CD6: variants seen among roughly 807,000 people sequenced by gnomAD.
CD6 encodes the protein T-cell differentiation antigen CD6.
In CD6, 53 loss-of-function variants were observed where a neutral mutation model predicts 75.3. That is an observed-to-expected ratio of 0.70 (90% CI 0.56 to 0.88). CD6 has a LOEUF of 0.88. Among genes scored for constraint, CD6 ranks in the 40% least tolerant of loss-of-function variants. The probability of loss-of-function intolerance (pLI) is 0.00; values close to 1 mark genes in which losing one functional copy is unlikely to be tolerated. For synonymous variants in CD6, 359 were observed against 381.5 expected (o/e 0.94, Z 0.69); for missense variants, 770 against 897.1 (o/e 0.86, Z 1.81).
chr11:60,992,262 C>A (rs908914822), intron 1 of CD6, among the ~76,000 whole-genome samples: 1 of 151,546 alleles, frequency 6.6e-6, no homozygotes, highest in African/African-American at 2.4e-5. Flanking sequence ...TGGCCTCAAG[C>A]AATCCTCCTG....
chr11:61,013,892 G>T, intron 7 of CD6, 27 bp from the exon 8 acceptor site: 1 of 1,535,394 alleles, frequency 6.5e-7, no homozygotes, highest in Non-Finnish European at 8.9e-7. Flanking sequence ...AAAATGACTT[G>T]TAGAATTTCT....
chr11:60,998,846 G>A (rs1387479962), intron 1 of CD6, among the ~76,000 whole-genome samples: 20 of 83,200 alleles, frequency 2.4e-4, no homozygotes, highest in African/African-American at 8.3e-4. Context: ...ACAACACAAG[G>A]CAGAAAAAAA....
intron 1 of CD6, among the ~76,000 whole-genome samples, chr11:60,985,579 T>C (rs559290851): frequency 1.3e-5 from 2 of 151,638 alleles, no homozygotes; most frequent in African/African-American, 4.8e-5. Flanking sequence ...ATAGAATATA[T>C]ATATATAAAC....
At chr11:61,009,309 T>C (rs2074227) in intron 4 of CD6, among the ~76,000 whole-genome samples, 58,294 of 151,922 alleles carry the variant, frequency 0.38, 12,240 homozygotes, top group African/African-American at 0.56. Flanking sequence ...ATTCAGTAGG[T>C]CTGAGGCAGA....
At chr11:61,005,624 T>C (rs1049396549) in intron 1 of CD6, among the ~76,000 whole-genome samples, 19 of 152,302 alleles carry the variant, frequency 1.2e-4, no homozygotes, top group Admixed American at 9.2e-4. Context: ...ACCTGCCTCA[T>C]TGCATTGTTG....
chr11:61,008,893 T>C (rs771674687), intron 4 of CD6, 48 bp downstream of exon 4: 2 of 1,445,536 alleles, frequency 1.4e-6, no homozygotes, highest in South Asian at 1.5e-5. Flanking sequence ...ACACTCACCA[T>C]AGGCCTACTG....
At chr11:60,985,803 A>T (rs928555047) in intron 1 of CD6, among the ~76,000 whole-genome samples, 1 of 152,210 alleles carries the variant, frequency 6.6e-6, no homozygotes, top group African/African-American at 2.4e-5. Context: ...GCAAAAATAA[A>T]ATTTAACAAA....
At position 61,017,817 on chromosome 11, in the gene CD6, A is replaced by G. The variant is rs146943483; in HGVS notation, c.1641A>G (p.Thr547=). Residue 547 remains threonine (T), a synonymous_variant, in exon 11 of 13, where the codon ACA becomes ACG. Transcript: ENST00000313421. ...CTGCCAACCCTGGACACTGCATTAC[A>G]GACCCGCCATCCCTGGGCCCTCAGT... is the stretch of plus-strand genomic sequence containing the variant. ...IPTANPGHCI[T]DPPSLGPQYH... 1.4e-5 allele frequency: 23 copies of G among 1,614,000 alleles called. No homozygotes were observed. The highest frequency in any genetic ancestry group is 3.4e-6 in the Non-Finnish European group (4 of 1,180,028).
chr11:60,993,174 A>C (rs750216234), intron 1 of CD6, among the ~76,000 whole-genome samples: 23 of 152,176 alleles, frequency 1.5e-4, no homozygotes, highest in Admixed American at 9.2e-4. Flanking sequence ...TACCACAGCA[A>C]CTACAGCCCA....
chr11:60,988,747 ATCACCCCTTGGAGCGGGGAGGATTT>A (rs1047272768), intron 1 of CD6, among the ~76,000 whole-genome samples: 3 of 152,170 alleles, frequency 2.0e-5, no homozygotes, highest in Non-Finnish European at 4.4e-5. Flanking sequence ...AGGTCTCAGC[ATCACCCCTTGGAGCGGGGAGGATTT>A]TCACCCCTTG....
Position 60,985,420 on chromosome 11 carries a change from G to A in CD6, c.49+13506G>A, listed in dbSNP as rs923661935. On this transcript the variant is annotated intron_variant, in intron 1 of 12. Coordinates refer to ENST00000313421, the MANE Select transcript of CD6 (RefSeq NM_006725.5). ...GGCTGGTCTCAAACTCCTGGCCTCA[G>A]GTGATCTGCCCGTCTCAGCCTCCCA... is the stretch of plus-strand genomic sequence containing the variant. Among the ~76,000 whole-genome samples, 6 of 151,876 alleles carry A rather than the reference G, an allele frequency of 4.0e-5. No homozygotes were observed. In the East Asian group the frequency reaches 1.2e-3, roughly 29 times the overall value.
rs1434446382 is a variant in CD6 at position 61,018,370 on chromosome 11, C to T, written c.1919C>T (p.Ser640Leu). Reference sequence around the variant, plus strand: ...TTCCAGCCACCACCCCAGCCCCCTTCGGAGGAGCAGTTTGGCTGTCCAGGT... The same window carrying T: ...TTCCAGCCACCACCCCAGCCCCCTTTGGAGGAGCAGTTTGGCTGTCCAGGT... ...QNFQPPPQPPSEEQFGCPGSP... is the reference protein window; with the variant it reads ...QNFQPPPQPPLEEQFGCPGSP... The change falls in exon 12 of 13, where the codon TCG becomes TTG. Residue 640 changes from serine to leucine, a missense_variant. Ser to Leu is a moderately radical substitution (Grantham distance 145, BLOSUM62 -2). Transcript: ENST00000313421. 1.9e-6 allele frequency: 3 copies of T among 1,599,842 alleles called. No individual in the cohort carries two copies. Among genetic ancestry groups the T allele is most frequent in the African/African-American group, 1.4e-5 (1 of 73,966 alleles).
chr11:60,985,631 C>T (rs528050977), intron 1 of CD6, among the ~76,000 whole-genome samples: 3 of 152,124 alleles, frequency 2.0e-5, no homozygotes, highest in African/African-American at 7.2e-5. Context: ...AATAGCCTGC[C>T]GTCCAAGCAT....
intron 8 of CD6, among the ~76,000 whole-genome samples, chr11:61,014,734 C>CA (rs553540779): frequency 0.022 from 2,315 of 104,404 alleles, 49 homozygotes; most frequent in African/African-American, 0.057. Context: ...GACTCTGTCT[C>CA]AAAAAAAAAA....
intron 3 of CD6, 134 bp from the exon 4 acceptor site, chr11:61,008,400 G>A: frequency 2.3e-6 from 2 of 851,536 alleles, no homozygotes; most frequent in Non-Finnish European, 1.8e-6. Context: ...GGGATTCCCA[G>A]TCTTGCCTAC....
chr11:61,011,757 G>T (rs763067524), intron 6 of CD6, among the ~76,000 whole-genome samples: 12 of 152,176 alleles, frequency 7.9e-5, no homozygotes, highest in Non-Finnish European at 1.6e-4. Context: ...GTGTAGCTTG[G>T]CTGGCATCAG....
In CD6 at chr11:61,018,407, G is replaced by T; in HGVS notation, c.1942+14G>T. The T allele has an allele frequency of 1.3e-6, 2 of 1,569,070 alleles. No individual in the cohort carries two copies. The highest frequency in any genetic ancestry group is 2.3e-5 in the East Asian group (1 of 43,134). ...TTGGCTGTCCAGGTGCCAATATCTG[G>T]GGAAGGGATGTGGGAGGGGGACAGA... On this transcript the variant is annotated intron_variant, in intron 12 of 12. Coordinates refer to ENST00000313421, the MANE Select transcript of CD6 (RefSeq NM_006725.5).
intron 5 of CD6, among the ~76,000 whole-genome samples, chr11:61,010,793 T>C (rs75644984): frequency 0.043 from 6,579 of 152,314 alleles, 190 homozygotes; most frequent in Middle Eastern, 0.099. Context: ...GAAAACGGAT[T>C]TGTGGTCTGT....
rs1224647025 is a variant in CD6 at position 61,020,184 on chromosome 11, C to T, written c.*866C>T. The T allele has an allele frequency of 1.0e-5, 4 of 398,602 alleles. No homozygotes were observed. The highest frequency in any genetic ancestry group is 6.2e-5 in the African/African-American group (3 of 48,632). The allele number at this position is 398,602 out of a possible 1,614,324, so 24.7% of individuals were successfully genotyped here. A position where few individuals can be genotyped will look rare whatever the true frequency, so the allele number is the denominator to read the frequency against. On this transcript the variant is annotated 3_prime_UTR_variant, in exon 13 of 13. Transcript: ENST00000313421. Reference sequence around the variant, plus strand: ...TTTCCAGGAAGGGGCTCAGAAGCTGCACTAGGCCCCGAGTCCCCATGTGTC... The same window carrying T: ...TTTCCAGGAAGGGGCTCAGAAGCTGTACTAGGCCCCGAGTCCCCATGTGTC...
Sources: gnomAD v4.1 joint callset for allele counts (sites outside exome capture counted in the v4.1 genomes callset) on GRCh38, gnomAD v4.1.1 for gene constraint, MANE v1.5 for transcripts, NCBI Gene and HGNC (gene_info 2026-07-23, HGNC 2026-07-21) for gene names.